Variants in DYNC2H1 observed in about 807,000 individuals in gnomAD.
DYNC2H1 encodes cytoplasmic dynein 2 heavy chain 1.
A neutral mutation model predicts 570.0 loss-of-function variants in DYNC2H1; 410 were observed. The observed-to-expected ratio is 0.72, with a 90% CI of 0.66 to 0.78. The LOEUF (loss-of-function observed/expected upper bound fraction) is 0.78. Among genes scored for constraint, DYNC2H1 ranks in the 30% least tolerant of loss-of-function variants. The pLI is 0.00. For missense variants in DYNC2H1, 4,865 were observed against 5,046.4 expected, an observed-to-expected ratio of 0.96 and a Z score of 1.09; for synonymous variants, 1,688 against 1,677.6, an observed-to-expected ratio of 1.01 and a Z score of -0.15.
At position 103,334,011 on chromosome 11, in the gene DYNC2H1, G is replaced by A. The variant is rs1938978041; in HGVS notation, c.12039+10021G>A. 1.3e-5 allele frequency among the ~76,000 whole-genome samples: 2 copies of A among 152,056 alleles called. No homozygotes were observed. The highest frequency in any genetic ancestry group is 2.9e-5 in the Non-Finnish European group (2 of 68,006). The stretch of plus-strand genomic sequence containing the variant: ...TTGCATTTGTTAATAACGATTCAGT[G>A]ATGGCACATTCTCTAGGCTAAGAAC... On this transcript the variant is annotated intron_variant, in intron 82 of 88. Coordinates refer to ENST00000375735, the MANE Select transcript of DYNC2H1 (RefSeq NM_001377.3). This position sits in a 1 kb window ranked among gnomAD's most constrained non-coding sequence, Gnocchi z 4.3.
At chr11:103,368,190 AAT>A (rs1475379116) in intron 83 of DYNC2H1, among the ~76,000 whole-genome samples, 1 of 152,216 alleles carries the variant, frequency 6.6e-6, no homozygotes, top group African/African-American at 2.4e-5. Flanking sequence ...CTTTTAAAAT[AAT>A]AGCTATACTA....
In DYNC2H1 at chr11:103,112,452, G is replaced by T. The variant is rs138327442; in HGVS notation, c.196-1085G>T. ...TGTAACGGGTCAGATAATATTGCAG[G>T]CAACAAGGGCTCCATTAGCAGCTAC... On this transcript the variant is annotated intron_variant, in intron 1 of 88. Coordinates refer to ENST00000375735, the MANE Select transcript of DYNC2H1 (RefSeq NM_001377.3). 3.6e-3 allele frequency among the ~76,000 whole-genome samples: 551 copies of T among 152,292 alleles called. 2 individuals are homozygous for T. Among genetic ancestry groups the T allele is most frequent in the African/African-American group, 0.013 (526 of 41,556 alleles).
At chr11:103,362,293 C>T (rs1218679368) in intron 83 of DYNC2H1, among the ~76,000 whole-genome samples, 2 of 147,536 alleles carry the variant, frequency 1.4e-5, no homozygotes, top group Admixed American at 6.8e-5. Flanking sequence ...ATAGACATTC[C>T]TGCTTCTTAA....
In DYNC2H1 at chr11:103,363,921, G is replaced by A. The variant is rs1359122473; in HGVS notation, c.12156+5562G>A. The stretch of plus-strand genomic sequence containing the variant: ...GACTCACAAAAACTCATGACAGATA[G>A]CATTATGACTTCCCAATGTAATAGG... On this transcript the variant is annotated intron_variant, in intron 83 of 88. Transcript: ENST00000375735. This position sits in a 1 kb window ranked among gnomAD's most constrained non-coding sequence, Gnocchi z 5.6. Among the ~76,000 whole-genome samples, 1 of 152,062 alleles carries A rather than the reference G, an allele frequency of 6.6e-6. No individual in the cohort carries two copies. Among genetic ancestry groups the A allele is most frequent in the Non-Finnish European group, 1.5e-5 (1 of 68,012 alleles).
At chr11:103,202,054 A>C (rs688189) in intron 50 of DYNC2H1, among the ~76,000 whole-genome samples, 141,860 of 152,138 alleles carry the variant, frequency 0.93, 66,171 homozygotes, top group African/African-American at 0.94. Context: ...TTAAATAATA[A>C]GTAATATTTA....
rs200599406 is a variant in DYNC2H1 at position 103,135,499 on chromosome 11, T to A, written c.2210T>A (p.Phe737Tyr). The A allele has an allele frequency of 2.7e-4, 422 of 1,547,712 alleles. 1 individual carries two copies. The highest frequency in any genetic ancestry group is 3.5e-4 in the Non-Finnish European group (398 of 1,150,074). ...TGLATVEAQGFQASDMHAWKQ... is the reference protein window; with the variant it reads ...TGLATVEAQGYQASDMHAWKQ... ...AATGTGAATGTAACATATTAGGGAT[T>A]CCAAGCAAGTGACATGCATGCATGG... Residue 737 changes from phenylalanine (F) to tyrosine (Y), a missense_variant, in exon 16 of 89, where the codon TTC becomes TAC. Physicochemically the swap from Phe to Tyr is conservative, Grantham distance 22 (BLOSUM62 3). Coordinates refer to ENST00000375735, the MANE Select transcript of DYNC2H1 (RefSeq NM_001377.3).
intron 79 of DYNC2H1, among the ~76,000 whole-genome samples, chr11:103,312,316 T>C (rs11225690): frequency 7.0e-6 from 1 of 143,772 alleles, no homozygotes; most frequent in African/African-American, 2.6e-5. Flanking sequence ...GGAGGCGGAG[T>C]TTGTGGTGAG....
At chr11:103,218,697 T>C (rs1298323391) in intron 55 of DYNC2H1, among the ~76,000 whole-genome samples, 1 of 152,214 alleles carries the variant, frequency 6.6e-6, no homozygotes, top group East Asian at 1.9e-4. Flanking sequence ...GCTAGTGACA[T>C]TAGTAATACA....
At position 103,299,995 on chromosome 11, in the gene DYNC2H1, TG is replaced by T. The variant is rs920068189; in HGVS notation, c.11096-3096del. 1.3e-4 allele frequency among the ~76,000 whole-genome samples: 20 copies of T among 152,120 alleles called. No homozygotes were observed. Among genetic ancestry groups the T allele is most frequent in the Non-Finnish European group, 4.4e-5 (3 of 67,988 alleles). ...ATTTTCCTCTTTTTATTGATGTTTGTGGTACATTTTTACAATTGTTTTCTCA... is the reference window on the plus strand; with the variant it reads ...ATTTTCCTCTTTTTATTGATGTTTGTGTACATTTTTACAATTGTTTTCTCA... On this transcript the variant is annotated intron_variant, in intron 75 of 88. Transcript: ENST00000375735. This position sits in a 1 kb window ranked among gnomAD's most constrained non-coding sequence, Gnocchi z 4.5.
chr11:103,396,613 G>A (rs1317128561), intron 83 of DYNC2H1, among the ~76,000 whole-genome samples: 1 of 152,112 alleles, frequency 6.6e-6, no homozygotes, highest in Non-Finnish European at 1.5e-5. Flanking sequence ...ATTCACTTAG[G>A]TCTAAAATAG....
At chr11:103,112,973 C>T (rs1292046245) in intron 1 of DYNC2H1, among the ~76,000 whole-genome samples, 1 of 152,140 alleles carries the variant, frequency 6.6e-6, no homozygotes, top group Non-Finnish European at 1.5e-5. Flanking sequence ...GTTTTATGCT[C>T]TTAACTCTTT....
At chr11:103,342,960 A>G (rs1057496367) in intron 82 of DYNC2H1, among the ~76,000 whole-genome samples, 2 of 151,838 alleles carry the variant, frequency 1.3e-5, no homozygotes, top group African/African-American at 2.4e-5. Context: ...ATTCTGTCCT[A>G]TTTTTCCTTA....
At chr11:103,424,265 A>C (rs1943589446) in intron 84 of DYNC2H1, among the ~76,000 whole-genome samples, 1 of 80,184 alleles carries the variant, frequency 1.2e-5, no homozygotes, top group South Asian at 4.9e-4. Flanking sequence ...ATCAGTAAAA[A>C]CATTTTTTAA....
intron 84 of DYNC2H1, chr11:103,402,909 T>G (rs1486730243): frequency 6.6e-6 from 1 of 152,120 alleles, no homozygotes; most frequent in East Asian, 1.9e-4. Flanking sequence ...ATTTTCATTT[T>G]AAACTGGAAG....
chr11:103,284,272 A>G (rs1000828953), intron 73 of DYNC2H1, among the ~76,000 whole-genome samples: 8 of 152,268 alleles, frequency 5.3e-5, no homozygotes, highest in African/African-American at 1.2e-4. Flanking sequence ...TGCCTATGCT[A>G]TATTCAAAAT....
intron 82 of DYNC2H1, among the ~76,000 whole-genome samples, chr11:103,330,072 A>G (rs79236820): frequency 0.15 from 23,381 of 152,138 alleles, 1,917 homozygotes; most frequent in Admixed American, 0.25. Flanking sequence ...CTAATATAAT[A>G]TTAGAATAGG....
chr11:103,164,143 A>G (rs2134935212), intron 30 of DYNC2H1, among the ~76,000 whole-genome samples: 1 of 152,332 alleles, frequency 6.6e-6, no homozygotes, highest in South Asian at 2.1e-4. Context: ...ACTTCCAGAT[A>G]GGATTTATAA....
intron 84 of DYNC2H1, among the ~76,000 whole-genome samples, chr11:103,428,629 A>G (rs888080193): frequency 2.0e-5 from 3 of 152,120 alleles, no homozygotes; most frequent in African/African-American, 7.2e-5. Flanking sequence ...CTATTAAACA[A>G]CAGCTCCCAT....
At position 103,457,618 on chromosome 11, in the gene DYNC2H1, CACTT is replaced by C. The variant is rs1392255617; in HGVS notation, c.12648+1264_12648+1267del. Among the ~76,000 whole-genome samples the C allele has an allele frequency of 2.6e-5, 4 of 151,900 alleles. No homozygotes were observed. The East Asian group carries it at 7.7e-4, about 29-fold the overall frequency. Reference sequence around the variant, plus strand: ...TATACTTTTTGACTCTTATAAATAACACTTAGCTTAAAACATAAACACATTGTAC... The same window carrying C: ...TATACTTTTTGACTCTTATAAATAACAGCTTAAAACATAAACACATTGTAC... On this transcript the variant is annotated intron_variant, in intron 87 of 88. Coordinates refer to ENST00000375735, the MANE Select transcript of DYNC2H1 (RefSeq NM_001377.3).
Sources: gnomAD v4.1 joint callset for allele counts (sites outside exome capture counted in the v4.1 genomes callset) on GRCh38, gnomAD v4.1.1 for gene constraint, Gnocchi (gnomAD v3.1) non-coding constraint, MANE v1.5 for transcripts, NCBI Gene and HGNC (gene_info 2026-07-23, HGNC 2026-07-21) for gene names.